Variants in CCDC7 observed in about 807,000 individuals in gnomAD.
CCDC7 encodes the protein coiled-coil domain containing 7, also known as coiled-coil domain-containing protein 7.
CCDC7 carries 183 observed loss-of-function variants against 196.9 expected under a neutral mutation model. That is an observed-to-expected ratio of 0.93 (90% CI 0.82 to 1.05). The LOEUF is 1.05. CCDC7 is among the 50% of genes least tolerant of loss of function. The pLI is 0.00. For missense variants in CCDC7, 1,540 were observed against 1,482.2 expected (o/e 1.04, Z -0.64); for synonymous variants, 525 against 484.6 (o/e 1.08, Z -1.10).
chr10:32,595,862 T>C (rs1054236060), intron 18 of CCDC7, among the ~76,000 whole-genome samples: 1 of 152,212 alleles, frequency 6.6e-6, no homozygotes, highest in Non-Finnish European at 1.5e-5. Context: ...TTTGAGTGAG[T>C]TGCTTAATCC....
chr10:32,716,241 C>A (rs1239754065), intron 25 of CCDC7, among the ~76,000 whole-genome samples: 2 of 152,132 alleles, frequency 1.3e-5, no homozygotes, highest in East Asian at 3.9e-4. Flanking sequence ...GGAGTGGGGG[C>A]CAATATTCAA....
At chr10:32,695,206 C>T (rs995894427) in intron 24 of CCDC7, among the ~76,000 whole-genome samples, 8 of 152,096 alleles carry the variant, frequency 5.3e-5, no homozygotes, top group African/African-American at 1.7e-4. Context: ...CTCATGTGCT[C>T]GGTGTCCACC....
At chr10:32,869,555 G>T (rs1402364120) in intron 41 of CCDC7, among the ~76,000 whole-genome samples, 1 of 152,156 alleles carries the variant, frequency 6.6e-6, no homozygotes, top group Non-Finnish European at 1.5e-5. Context: ...CTGTGCAGAA[G>T]CTCTTTCGTT....
At chr10:32,676,450 A>G (rs2074989864) in intron 21 of CCDC7, among the ~76,000 whole-genome samples, 1 of 150,950 alleles carries the variant, frequency 6.6e-6, no homozygotes, top group Admixed American at 6.6e-5. Flanking sequence ...AAATGGGAGA[A>G]AATTTTCGCA....
At chr10:32,863,554 C>T (rs915531434) in intron 41 of CCDC7, among the ~76,000 whole-genome samples, 4 of 151,866 alleles carry the variant, frequency 2.6e-5, no homozygotes, top group Non-Finnish European at 5.9e-5. Flanking sequence ...GATCTTGCTA[C>T]ATTGCCAAGG....
Position 32,476,905 on chromosome 10 carries a change from C to G in CCDC7, c.796+2882C>G, listed in dbSNP as rs138754367. Reference sequence around the variant, plus strand: ...TACCCATTTTAAAAATTGGGTTATTCGTTTTCTTATTGTTGAGTTTTAAGA... The same window carrying G: ...TACCCATTTTAAAAATTGGGTTATTGGTTTTCTTATTGTTGAGTTTTAAGA... On this transcript the variant is annotated intron_variant, in intron 8 of 41. Coordinates refer to ENST00000639629, the Ensembl canonical transcript of CCDC7. 2.4e-3 allele frequency among the ~76,000 whole-genome samples: 363 copies of G among 152,144 alleles called. 2 individuals are homozygous for G. The highest frequency in any genetic ancestry group is 8.3e-3 in the African/African-American group (345 of 41,504).
intron 21 of CCDC7, among the ~76,000 whole-genome samples, chr10:32,682,604 T>C (rs1294833760): frequency 6.6e-6 from 1 of 152,240 alleles, no homozygotes; most frequent in Non-Finnish European, 1.5e-5. Flanking sequence ...TTATTTACAT[T>C]CCCATCAGCA....
chr10:32,610,348 C>T (rs1033826825), intron 18 of CCDC7, among the ~76,000 whole-genome samples: 1 of 152,284 alleles, frequency 6.6e-6, no homozygotes, highest in East Asian at 1.9e-4. Context: ...TCATGATCTG[C>T]CTGCCTCGGC....
chr10:32,602,667 T>G (rs2061179426), intron 18 of CCDC7, among the ~76,000 whole-genome samples: 1 of 152,194 alleles, frequency 6.6e-6, no homozygotes, highest in Non-Finnish European at 1.5e-5. Context: ...TGATGTGACC[T>G]TGGGAAAGTT....
chr10:32,875,688 A>G (rs780861455), intron 41 of CCDC7, among the ~76,000 whole-genome samples: 10 of 152,044 alleles, frequency 6.6e-5, no homozygotes, highest in Non-Finnish European at 1.0e-4. Flanking sequence ...GTAACAAACA[A>G]TGTTGCAACA....
At chr10:32,470,351 G>T (rs575558504) in intron 5 of CCDC7, among the ~76,000 whole-genome samples, 18 of 152,152 alleles carry the variant, frequency 1.2e-4, no homozygotes, top group African/African-American at 4.3e-4. Context: ...ATCAAAACTT[G>T]CTGACCCCAA....
intron 21 of CCDC7, among the ~76,000 whole-genome samples, chr10:32,679,417 T>G (rs2075525262): frequency 6.6e-6 from 1 of 152,148 alleles, no homozygotes; most frequent in Admixed American, 6.6e-5. Context: ...TTGGAGGACC[T>G]CCAGGCCATC....
chr10:32,531,106 T>A (rs1463808633), intron 11 of CCDC7, among the ~76,000 whole-genome samples: 1 of 152,120 alleles, frequency 6.6e-6, no homozygotes, highest in African/African-American at 2.4e-5. Flanking sequence ...GGATGATGGA[T>A]CTTACTTGAT....
At chr10:32,620,081 C>T (rs960408484) in intron 18 of CCDC7, among the ~76,000 whole-genome samples, 2 of 151,882 alleles carry the variant, frequency 1.3e-5, no homozygotes, top group Admixed American at 6.6e-5. Flanking sequence ...CACCACCACA[C>T]TCGGCTAATT....
intron 11 of CCDC7, among the ~76,000 whole-genome samples, chr10:32,526,888 G>A (rs967945820): frequency 3.3e-5 from 5 of 152,270 alleles, no homozygotes; most frequent in East Asian, 1.9e-4. Flanking sequence ...GGTGGCACAA[G>A]CATTCCCTTT....
chr10:32,689,078 TCTTATA>T (rs757419055), exon 23 of CCDC7: 6 of 1,604,322 alleles, frequency 3.7e-6, no homozygotes, highest in Non-Finnish European at 5.1e-6. Context: ...CAAATGAAAA[TCTTATA>T]CTTAGGCATC....
chr10:32,580,252 G>T (rs748163662), intron 16 of CCDC7, among the ~76,000 whole-genome samples: 1 of 152,048 alleles, frequency 6.6e-6, no homozygotes, highest in Admixed American at 6.6e-5. Context: ...AGGCAACATT[G>T]TCAGCATAAG....
chr10:32,651,586 G>C (rs1048741881), intron 20 of CCDC7, among the ~76,000 whole-genome samples: 6 of 152,174 alleles, frequency 3.9e-5, no homozygotes, highest in African/African-American at 1.4e-4. Flanking sequence ...TTTCGGGCAG[G>C]AGCACTCTGT....
Position 32,845,866 on chromosome 10 carries a change from A to G in CCDC7, c.3521-10A>G. On this transcript the variant is annotated splice_polypyrimidine_tract_variant and intron_variant, in intron 35 of 41. Coordinates refer to ENST00000639629, the Ensembl canonical transcript of CCDC7. ...TATAAAATATATTGAAATCTGTTTT[A>G]TTTCAATAGAGACTGATAAGGAATT... is the stretch of plus-strand genomic sequence containing the variant. The G allele has an allele frequency of 6.3e-7, 1 of 1,590,256 alleles. No homozygotes were observed. The highest frequency in any genetic ancestry group is 8.6e-7 in the Non-Finnish European group (1 of 1,159,708).
Sources: gnomAD v4.1 joint callset for allele counts (sites outside exome capture counted in the v4.1 genomes callset) on GRCh38, gnomAD v4.1.1 for gene constraint, MANE v1.5 for transcripts, NCBI Gene and HGNC (gene_info 2026-07-23, HGNC 2026-07-21) for gene names.